The following MUC12 variants were observed in gnomAD, a reference collection of about 807,000 sequenced individuals.
MUC12 encodes mucin-12.
In MUC12, 172 loss-of-function variants were observed where a neutral mutation model predicts 230.8. The ratio of observed to expected loss-of-function variants is 0.75; its 90% confidence interval spans 0.66 to 0.85. The LOEUF is 0.85. MUC12 is among the 40% of genes least tolerant of loss of function. The pLI is 0.00. For missense variants in MUC12, 3,506 were observed against 5,920.6 expected, an observed-to-expected ratio of 0.59 and a Z score of 13.38; for synonymous variants, 1,259 against 2,401.9, an observed-to-expected ratio of 0.52 and a Z score of 13.91.
rs748429447 is a variant in MUC12, at chr7:101,005,383, A to G, written c.14820A>G (p.Pro4940=). The G allele has an allele frequency of 2.6e-5, 40 of 1,537,838 alleles. No homozygotes were observed. The South Asian group carries it at 3.6e-4, about 14-fold the overall frequency. ...AACCTACAACTTTCTACATCAGCCC[A>G]TCCCCTACTTACACAACACTCTTTC... ...VGEPTTFYIS[P]SPTYTTLFPA... is the part of the protein sequence containing the mutation. Residue 4940 remains proline (P), a synonymous_variant, in exon 2 of 12, where the codon CCA becomes CCG. Transcript: ENST00000536621.
Position 100,993,024 on chromosome 7 carries a change from G to C in MUC12, c.2461G>C (p.Glu821Gln). ...CAGTACCACAACGCCAGGCCTCAGT[G>C]AGAGATCTACCACTTTCCATAGTAG... is the stretch of plus-strand genomic sequence containing the variant. ...PGSTTTPGLS[E>Q]RSTTFHSSPR... Residue 821 changes from glutamate (E) to glutamine (Q), a missense_variant, in exon 2 of 12, where the codon GAG (glutamate) becomes CAG (glutamine). By Grantham distance (29) the Glu-to-Gln change is conservative. Transcript: ENST00000536621. 6.5e-7 allele frequency: 1 copy of C among 1,536,686 alleles called. No individual in the cohort carries two copies. Among genetic ancestry groups the C allele is most frequent in the Non-Finnish European group, 8.7e-7 (1 of 1,147,008 alleles).
intron 1 of MUC12, among the ~76,000 whole-genome samples, chr7:100,984,685 C>T (rs766080580): frequency 1.3e-5 from 2 of 152,136 alleles, no homozygotes; most frequent in Admixed American, 6.5e-5. Context: ...TGTGTGCTTG[C>T]GCATCGCCTC....
At chr7:100,973,121 A>G in intron 1 of MUC12, 1 of 664,146 alleles carries the variant, frequency 1.5e-6, no homozygotes, top group Non-Finnish European at 2.7e-6. Context: ...TGGGCTGAGT[A>G]GGGCTGGGGA....
chr7:100,972,108 C>G, intron 1 of MUC12: 1 of 703,386 alleles, frequency 1.4e-6, no homozygotes, highest in Admixed American at 2.0e-5. Context: ...CCCCTGCCCT[C>G]CTCTTGCAGA....
In MUC12 at chr7:100,991,107, G is replaced by C; in HGVS notation, c.544G>C (p.Asp182His). The C allele has an allele frequency of 2.6e-6, 4 of 1,537,508 alleles. No homozygotes were observed. The highest frequency in any genetic ancestry group is 2.6e-6 in the Non-Finnish European group (3 of 1,146,828). ...PGPTHTIAFP[D>H]STTMPGVSQE... Reference sequence around the variant, plus strand: ...CCCAACGCACACAATAGCGTTCCCTGACAGTACCACCATGCCAGGCGTCAG... The same window carrying C: ...CCCAACGCACACAATAGCGTTCCCTCACAGTACCACCATGCCAGGCGTCAG... Residue 182 changes from aspartate (D) to histidine (H), a missense_variant, in exon 2 of 12, where the codon GAC becomes CAC. Asp to His is a moderately conservative substitution (Grantham distance 81, BLOSUM62 -1). Transcript: ENST00000536621.
At chr7:100,976,706 T>C (rs1267773160) in intron 1 of MUC12, among the ~76,000 whole-genome samples, 1 of 152,002 alleles carries the variant, frequency 6.6e-6, no homozygotes, top group Middle Eastern at 3.2e-3. Flanking sequence ...AAGAAGGATG[T>C]GTTACTGATT....
chr7:100,981,005 T>A (rs1365046836), intron 1 of MUC12, among the ~76,000 whole-genome samples: 3 of 152,142 alleles, frequency 2.0e-5, no homozygotes, highest in African/African-American at 7.2e-5. Flanking sequence ...CAAGTCAACA[T>A]CACATGAAAA....
intron 2 of MUC12, 84 bp downstream of exon 2, chr7:101,005,603 G>A: frequency 1.4e-6 from 2 of 1,410,030 alleles, no homozygotes; most frequent in Non-Finnish European, 1.9e-6. Flanking sequence ...AACCTCTCTT[G>A]GTTCTTTTCC....
At chr7:100,985,270 C>T (rs571838774) in intron 1 of MUC12, among the ~76,000 whole-genome samples, 1 of 152,242 alleles carries the variant, frequency 6.6e-6, no homozygotes, top group East Asian at 1.9e-4. Flanking sequence ...TCTTCTTGCA[C>T]TGAGTCAGTT....
At chr7:100,987,910 G>A (rs1057284035) in intron 1 of MUC12, among the ~76,000 whole-genome samples, 3 of 151,836 alleles carry the variant, frequency 2.0e-5, no homozygotes, top group African/African-American at 4.8e-5. Context: ...GGCAGATGGT[G>A]CGGTGAGCCA....
rs1284941524 is a variant in MUC12 at position 101,012,246 on chromosome 7, G to A, written c.15252-50G>A. On this transcript the variant is annotated intron_variant, in intron 5 of 11. Transcript: ENST00000536621. ...CACTCTGGGTGCTTGGGCTCCACTT[G>A]CTGGCTGGGTGGTGACATGGGTAAC... 13 of 1,528,646 alleles carry A rather than the reference G, an allele frequency of 8.5e-6. 1 individual carries two copies. The highest frequency in any genetic ancestry group is 7.3e-5 in the South Asian group (6 of 82,712). 94.7% of individuals were successfully genotyped at this position (1,528,646 alleles called of 1,614,324 possible). A position where few individuals can be genotyped will look rare whatever the true frequency, so the allele number is the denominator to read the frequency against.
intron 1 of MUC12, among the ~76,000 whole-genome samples, chr7:100,988,802 T>C (rs1793233811): frequency 6.6e-6 from 1 of 152,048 alleles, no homozygotes; most frequent in African/African-American, 2.4e-5. Context: ...ACAATTCCCA[T>C]GTGTTGTGGT....
intron 1 of MUC12, among the ~76,000 whole-genome samples, chr7:100,973,838 G>C (rs1792963772): frequency 6.6e-6 from 1 of 151,676 alleles, no homozygotes; most frequent in African/African-American, 2.4e-5. Context: ...GGGCAATGTA[G>C]TGACACCCCA....
At chr7:100,982,440 C>CT (rs569502189) in intron 1 of MUC12, among the ~76,000 whole-genome samples, 26,707 of 145,046 alleles carry the variant, frequency 0.18, 2,857 homozygotes, top group Non-Finnish European at 0.26. Flanking sequence ...CTTTTCTTTT[C>CT]TTTTTTTTTT....
chr7:101,006,441 G>A, intron 2 of MUC12, 30 bp from the exon 3 acceptor site: 1 of 1,492,384 alleles, frequency 6.7e-7, no homozygotes, highest in Non-Finnish European at 9.0e-7. Flanking sequence ...GGCTCCCACG[G>A]TGACTGCTGT....
chr7:101,014,145 G>C, intron 9 of MUC12, 71 bp downstream of exon 9: 2 of 1,429,412 alleles, frequency 1.4e-6, no homozygotes, highest in East Asian at 5.1e-5. Context: ...CTGTCTGAAT[G>C]TCCTAAGGCT....
chr7:100,982,084 C>T (rs1388272672), intron 1 of MUC12, among the ~76,000 whole-genome samples: 1 of 152,004 alleles, frequency 6.6e-6, no homozygotes, highest in Non-Finnish European at 1.5e-5. Context: ...CCAGGCTGGT[C>T]TCGAACTCCT....
At chr7:101,010,003 A>G (rs1021951826) in intron 5 of MUC12, among the ~76,000 whole-genome samples, 2 of 152,320 alleles carry the variant, frequency 1.3e-5, no homozygotes, top group Middle Eastern at 3.4e-3. Flanking sequence ...GAGATTGCAT[A>G]AGCAGAAGCC....
chr7:100,983,375 C>T (rs1793139451), intron 1 of MUC12, among the ~76,000 whole-genome samples: 1 of 151,304 alleles, frequency 6.6e-6, no homozygotes, highest in Non-Finnish European at 1.5e-5. Flanking sequence ...AGCCGAGATC[C>T]TGCCAGTGCA....
Sources: allele counts gnomAD v4.1 joint callset (sites outside exome capture counted in the v4.1 genomes callset), GRCh38; gene constraint gnomAD v4.1.1; transcripts MANE v1.5; gene names NCBI Gene and HGNC (gene_info 2026-07-23, HGNC 2026-07-21).